Variants in ROBO2 observed in about 807,000 individuals in gnomAD.
ROBO2 encodes roundabout homolog 2.
In ROBO2, 53 loss-of-function variants were observed where a neutral mutation model predicts 160.8. That is an observed-to-expected ratio of 0.33 (90% confidence interval 0.26 to 0.41). The LOEUF is 0.41. Among genes scored for constraint, ROBO2 ranks in the 10% least tolerant of loss-of-function variants. The pLI, the probability that ROBO2 is intolerant of heterozygous loss-of-function variation, is 1.00. For synonymous variants in ROBO2, 664 were observed against 611.7 expected, an observed-to-expected ratio of 1.09 and a Z score of -1.26; for missense variants, 1,577 against 1,722.4, an observed-to-expected ratio of 0.92 and a Z score of 1.49.
At chr3:76,824,927 G>T (rs1431924194) in intron 2 of ROBO2, among the ~76,000 whole-genome samples, 1 of 152,136 alleles carries the variant, frequency 6.6e-6, no homozygotes, top group African/African-American at 2.4e-5. Flanking sequence ...TACCAAGCAT[G>T]AAGTCACCTG....
At chr3:76,272,832 T>TATATATTTTATATATAAAATATATAAA (rs1559705683) in intron 2 of ROBO2, among the ~76,000 whole-genome samples, 4,554 of 37,876 alleles carry the variant, frequency 0.12, 548 homozygotes, top group Non-Finnish European at 0.14. Context: ...ATATATAAAA[T>TATATATTTTATATATAAAATATATAAA]ATATATATTA....
At position 77,338,002 on chromosome 3, in the gene ROBO2, C is replaced by G. The variant is rs370536696; in HGVS notation, c.389-139412C>G. Among the ~76,000 whole-genome samples the G allele has an allele frequency of 4.6e-5, 7 of 152,070 alleles. No individual in the cohort carries two copies. The East Asian group carries it at 1.3e-3, about 29-fold the overall frequency. On this transcript the variant is annotated intron_variant, in intron 2 of 25. Coordinates refer to ENST00000461745, the Ensembl canonical transcript of ROBO2. ...TCATTTCAGCATCCTTGAAACATTC[C>G]ATGGAACTTTCATATTTCCAATAAA... is the stretch of plus-strand genomic sequence containing the variant.
intron 2 of ROBO2, among the ~76,000 whole-genome samples, chr3:77,334,051 T>C (rs2066243580): frequency 6.6e-6 from 1 of 152,182 alleles, no homozygotes; most frequent in Non-Finnish European, 1.5e-5. Context: ...ACTATACCTT[T>C]GAGTAAATGT....
intron 2 of ROBO2, among the ~76,000 whole-genome samples, chr3:76,525,295 A>T (rs1006000076): frequency 3.3e-5 from 5 of 151,928 alleles, no homozygotes; most frequent in Non-Finnish European, 7.4e-5. Flanking sequence ...TTTTCCATAG[A>T]TGATAAGATG....
chr3:76,271,238 AT>A (rs754298750), intron 2 of ROBO2, among the ~76,000 whole-genome samples: 37 of 152,202 alleles, frequency 2.4e-4, no homozygotes, highest in Non-Finnish European at 3.2e-4. Context: ...TGCAAAAAGT[AT>A]ATTTAAATTT....
chr3:77,640,423 A>T (rs905919657), intron 24 of ROBO2, among the ~76,000 whole-genome samples: 4 of 152,108 alleles, frequency 2.6e-5, no homozygotes, highest in African/African-American at 9.7e-5. Flanking sequence ...CGCATATTTT[A>T]TATAGGATGA....
At chr3:76,636,841 G>T (rs1241418085) in intron 2 of ROBO2, among the ~76,000 whole-genome samples, 2 of 130,776 alleles carry the variant, frequency 1.5e-5, no homozygotes, top group African/African-American at 5.0e-5. Flanking sequence ...TCTAGGCAGG[G>T]TGACAATAGG....
intron 2 of ROBO2, among the ~76,000 whole-genome samples, chr3:76,104,499 C>T (rs1267590484): frequency 1.3e-5 from 2 of 152,170 alleles, no homozygotes; most frequent in Non-Finnish European, 2.9e-5. Flanking sequence ...GCCTCAATTT[C>T]CTCCTATGGA....
chr3:76,698,439 T>C (rs1033418219), intron 2 of ROBO2, among the ~76,000 whole-genome samples: 9 of 152,156 alleles, frequency 5.9e-5, no homozygotes, highest in Non-Finnish European at 1.3e-4. Flanking sequence ...CCCTCATGTG[T>C]AGCTTTTGAC....
intron 2 of ROBO2, among the ~76,000 whole-genome samples, chr3:76,517,985 TAAA>T (rs530483144): frequency 5.9e-5 from 9 of 151,588 alleles, no homozygotes; most frequent in African/African-American, 1.9e-4. Context: ...TTTTTTATAT[TAAA>T]AAAAAACTTT....
chr3:77,294,473 G>C (rs1453448796), intron 2 of ROBO2, among the ~76,000 whole-genome samples: 1 of 144,142 alleles, frequency 6.9e-6, no homozygotes, highest in African/African-American at 2.8e-5. Context: ...ACGGGTAAAC[G>C]GGTAAGCTGA....
intron 2 of ROBO2, among the ~76,000 whole-genome samples, chr3:76,979,126 T>A (rs1026403963): frequency 6.6e-5 from 10 of 152,100 alleles, no homozygotes; most frequent in African/African-American, 2.2e-4. Context: ...TGTTTTTTTG[T>A]GGAAGTGGGG....
At chr3:77,149,446 C>T (rs147277495) in intron 2 of ROBO2, among the ~76,000 whole-genome samples, 2 of 152,304 alleles carry the variant, frequency 1.3e-5, no homozygotes, top group African/African-American at 4.8e-5. Context: ...CCTTACTAAG[C>T]TTTCTTAGCA....
At chr3:76,742,712 A>C (rs1280426380) in intron 2 of ROBO2, among the ~76,000 whole-genome samples, 1 of 151,982 alleles carries the variant, frequency 6.6e-6, no homozygotes, top group Non-Finnish European at 1.5e-5. Flanking sequence ...TTTCTGGATA[A>C]ATAAGGACTT....
chr3:76,625,566 G>C (rs79362818), intron 2 of ROBO2, among the ~76,000 whole-genome samples: 2,053 of 152,194 alleles, frequency 0.013, 47 homozygotes, highest in African/African-American at 0.047. Flanking sequence ...GCAAGAAGAG[G>C]GAGCTTTAAG....
chr3:76,023,734 A>G (rs2066646190), intron 2 of ROBO2, among the ~76,000 whole-genome samples: 1 of 151,704 alleles, frequency 6.6e-6, no homozygotes, highest in Admixed American at 6.6e-5. Context: ...TGTGAGAATT[A>G]CTGGAATATG....
intron 2 of ROBO2, among the ~76,000 whole-genome samples, chr3:77,357,424 G>A (rs111280652): frequency 3.3e-5 from 5 of 152,204 alleles, no homozygotes; most frequent in East Asian, 1.9e-4. Flanking sequence ...CTTCCACCGT[G>A]TTATGATGCA....
chr3:76,577,138 A>T (rs776899731), intron 2 of ROBO2, among the ~76,000 whole-genome samples: 1 of 152,148 alleles, frequency 6.6e-6, no homozygotes, highest in Non-Finnish European at 1.5e-5. Context: ...AGAGCAGAGC[A>T]TAATTGTTAG....
At chr3:77,459,654 G>A (rs2082032912) in intron 2 of ROBO2, among the ~76,000 whole-genome samples, 1 of 152,152 alleles carries the variant, frequency 6.6e-6, no homozygotes, top group Non-Finnish European at 1.5e-5. Context: ...AGTTTGGGTA[G>A]TCCTAACAGG....
Sources: allele counts gnomAD v4.1 joint callset (sites outside exome capture counted in the v4.1 genomes callset), GRCh38; gene constraint gnomAD v4.1.1; transcripts MANE v1.5; gene names NCBI Gene and HGNC (gene_info 2026-07-23, HGNC 2026-07-21).